CADM2: variants seen among roughly 807,000 people sequenced by gnomAD.
CADM2 encodes cell adhesion molecule 2, also known as immunoglobulin superfamily member 4D.
A neutral mutation model predicts 49.8 loss-of-function variants in CADM2; 12 were observed. The observed-to-expected ratio is 0.24, with a 90% CI of 0.15 to 0.39. The LOEUF (loss-of-function observed/expected upper bound fraction) is 0.39, where lower values mean the gene tolerates loss of function less well. Ranked by LOEUF, CADM2 falls within the 10% of genes least tolerant of loss-of-function variation. The pLI is 1.00. For missense variants in CADM2, 378 were observed against 492.3 expected (o/e 0.77, Z 2.20); for synonymous variants, 214 against 175.4 (o/e 1.22, Z -1.74).
intron 1 of CADM2, among the ~76,000 whole-genome samples, chr3:85,332,275 A>G (rs1284827580): frequency 6.6e-6 from 1 of 151,858 alleles, no homozygotes; most frequent in African/African-American, 2.4e-5. Flanking sequence ...CAGGCTCCAA[A>G]TTTCCAAATG....
intron 7 of CADM2, among the ~76,000 whole-genome samples, chr3:85,940,314 G>A (rs776024282): frequency 3.3e-5 from 5 of 151,878 alleles, no homozygotes; most frequent in Non-Finnish European, 7.4e-5. Context: ...ACTCCAGACT[G>A]GGCAACAAGA....
At chr3:85,754,785 A>G (rs190952020) in intron 2 of CADM2, among the ~76,000 whole-genome samples, 2 of 152,238 alleles carry the variant, frequency 1.3e-5, no homozygotes, top group East Asian at 1.9e-4. Context: ...GACTGTCTCA[A>G]TTTTTTTAAA....
At chr3:85,338,928 G>C (rs1419877528) in intron 1 of CADM2, among the ~76,000 whole-genome samples, 1 of 151,400 alleles carries the variant, frequency 6.6e-6, no homozygotes, top group Non-Finnish European at 1.5e-5. Context: ...GGATGTTTAA[G>C]TTTTAAATAA....
At chr3:85,355,227 T>C (rs746834614) in intron 1 of CADM2, among the ~76,000 whole-genome samples, 36 of 152,074 alleles carry the variant, frequency 2.4e-4, no homozygotes, top group South Asian at 1.7e-3. Flanking sequence ...GTCGAGATGA[T>C]GGTTAGCTAA....
intron 3 of CADM2, among the ~76,000 whole-genome samples, chr3:85,844,469 T>C (rs2074789258): frequency 6.6e-6 from 1 of 152,092 alleles, no homozygotes; most frequent in African/African-American, 2.4e-5. Flanking sequence ...GCACAATATA[T>C]ACCCCTAAAA....
In CADM2 at chr3:85,226,597, GT is replaced by G. The variant is rs563627048; in HGVS notation, c.61+266940del. On this transcript the variant is annotated intron_variant, in intron 1 of 9. Transcript: ENST00000383699. Reference sequence around the variant, plus strand: ...CCTGCGTTCATTGATATTTTGAAGAGTTTTTTTTTTTGTGTGTGTGTCTATC... The same window carrying G: ...CCTGCGTTCATTGATATTTTGAAGAGTTTTTTTTTTGTGTGTGTGTCTATC... Among the ~76,000 whole-genome samples, 458 of 145,958 alleles carry G rather than the reference GT, an allele frequency of 3.1e-3. 2 individuals carry two copies. The highest frequency in any genetic ancestry group is 8.8e-3 in the African/African-American group (354 of 40,102).
At chr3:85,850,405 A>C (rs1161346647) in intron 3 of CADM2, among the ~76,000 whole-genome samples, 1 of 145,400 alleles carries the variant, frequency 6.9e-6, no homozygotes, top group East Asian at 2.1e-4. Flanking sequence ...GCTCACTGCA[A>C]GCTCCGCCTC....
intron 5 of CADM2, among the ~76,000 whole-genome samples, chr3:85,894,320 G>C (rs1215417603): frequency 6.6e-6 from 1 of 152,094 alleles, no homozygotes; most frequent in African/African-American, 2.4e-5. Context: ...ACACAGGAAG[G>C]GGAACATCCA....
chr3:85,936,572 C>T (rs1209016752), intron 7 of CADM2, among the ~76,000 whole-genome samples: 5 of 151,652 alleles, frequency 3.3e-5, no homozygotes, highest in Admixed American at 2.6e-4. Flanking sequence ...ATGTAATTTA[C>T]TTGATTTGTT....
chr3:85,640,306 C>T (rs1032120695), intron 1 of CADM2, among the ~76,000 whole-genome samples: 26 of 152,198 alleles, frequency 1.7e-4, no homozygotes, highest in Middle Eastern at 3.4e-3. Flanking sequence ...TGTTGTTGAA[C>T]GAATGAGCAG....
At chr3:85,685,109 G>A (rs906846788) in intron 1 of CADM2, among the ~76,000 whole-genome samples, 4 of 152,082 alleles carry the variant, frequency 2.6e-5, no homozygotes, top group Admixed American at 6.6e-5. Flanking sequence ...AAAATTATCC[G>A]GGCTTGGTGG....
At chr3:85,822,149 A>C (rs2108188782) in intron 3 of CADM2, among the ~76,000 whole-genome samples, 1 of 152,330 alleles carries the variant, frequency 6.6e-6, no homozygotes, top group African/African-American at 2.4e-5. Flanking sequence ...TCTTGCTGGG[A>C]ATAATGTATA....
intron 1 of CADM2, among the ~76,000 whole-genome samples, chr3:85,092,717 C>T (rs1021990238): frequency 3.3e-5 from 5 of 152,088 alleles, no homozygotes; most frequent in African/African-American, 9.7e-5. Context: ...AGTTTGATCC[C>T]CTTAATTCCA....
chr3:85,915,872 T>A (rs1236810460), intron 6 of CADM2, among the ~76,000 whole-genome samples: 2 of 152,140 alleles, frequency 1.3e-5, no homozygotes, highest in Non-Finnish European at 2.9e-5. Context: ...AGAGTAAATA[T>A]ATATTCCTAC....
At chr3:85,584,905 T>G (rs1450882682) in intron 1 of CADM2, among the ~76,000 whole-genome samples, 1 of 152,120 alleles carries the variant, frequency 6.6e-6, no homozygotes, top group African/African-American at 2.4e-5. Context: ...TCAGTTAAAT[T>G]TAATCTTCAT....
At chr3:85,887,432 A>T (rs1713826011) in intron 5 of CADM2, among the ~76,000 whole-genome samples, 1 of 152,182 alleles carries the variant, frequency 6.6e-6, no homozygotes, top group African/African-American at 2.4e-5. Context: ...CACACTAATT[A>T]ATTCTTTGTA....
At chr3:85,923,547 A>C (rs972157097) in intron 6 of CADM2, among the ~76,000 whole-genome samples, 31 of 151,656 alleles carry the variant, frequency 2.0e-4, no homozygotes, top group South Asian at 4.2e-4. Flanking sequence ...CAAAAAAAAA[A>C]AACAACAAAA....
chr3:85,423,186 C>T (rs1410161850), intron 1 of CADM2, among the ~76,000 whole-genome samples: 1 of 152,222 alleles, frequency 6.6e-6, no homozygotes, highest in East Asian at 1.9e-4. Context: ...CAGATGCTTT[C>T]TCTCTTTTCT....
intron 1 of CADM2, among the ~76,000 whole-genome samples, chr3:85,012,336 A>AC (rs2034039835): frequency 6.8e-6 from 1 of 147,336 alleles, no homozygotes; most frequent in Non-Finnish European, 1.5e-5. Flanking sequence ...TTTTTTCCTT[A>AC]GCACTTAAAA....
Sources: allele counts gnomAD v4.1 joint callset (sites outside exome capture counted in the v4.1 genomes callset), GRCh38; gene constraint gnomAD v4.1.1; transcripts MANE v1.5; gene names NCBI Gene and HGNC (gene_info 2026-07-23, HGNC 2026-07-21).